The following POU2F2 variants were observed in gnomAD, a reference collection of about 807,000 sequenced individuals.
POU2F2 encodes POU class 2 homeobox 2.
POU2F2 carries 14 observed loss-of-function variants against 63.5 expected under a neutral mutation model. The ratio of observed to expected loss-of-function variants is 0.22; its 90% CI spans 0.15 to 0.34. The LOEUF is 0.34. POU2F2 is among the 10% of genes least tolerant of loss of function. The probability of loss-of-function intolerance (pLI) is 1.00; values close to 1 mark genes in which losing one functional copy is unlikely to be tolerated. For missense variants in POU2F2, 607 were observed against 815.2 expected (o/e 0.74, Z 3.11); for synonymous variants, 306 against 348.6 (o/e 0.88, Z 1.36).
rs1173741789 is a variant in POU2F2, at chr19:42,089,992, T to G, written c.*1265A>C. ...CCTCTCAGATGGGGACCACAGGCTG[T>G]GGCACTGTCCCCACCACATGGACCC... is the stretch of plus-strand genomic sequence containing the variant. On this transcript the variant is annotated 3_prime_UTR_variant, in exon 15 of 15. Transcript: ENST00000692977. 6.6e-6 allele frequency: 1 copy of G among 152,218 alleles called. No individual in the cohort carries two copies. Among genetic ancestry groups the G allele is most frequent in the Non-Finnish European group, 1.5e-5 (1 of 67,990 alleles). The allele number at this position is 152,218 out of a possible 1,614,324, so 9.4% of individuals were successfully genotyped here.
rs2034451995 is a variant in POU2F2 at position 42,156,106 on chromosome 19, C to A, written c.-9+4226G>T. ...TGCTTCGAAGAGCCCTGAGGAACGT[C>A]TCTCTATTTGAAGTCAGAGCCGAGT... On this transcript the variant is annotated intron_variant, in intron 2 of 6. Transcript: ENST00000524801. This position sits in a 1 kb window ranked among gnomAD's most constrained non-coding sequence, Gnocchi z 4.1. The A allele has an allele frequency of 1.3e-5, 2 of 152,194 alleles. No individual in the cohort carries two copies. Among genetic ancestry groups the A allele is most frequent in the South Asian group, 4.1e-4 (2 of 4,828 alleles). 9.4% of individuals were successfully genotyped at this position (152,194 alleles called of 1,614,324 possible). A position where few individuals can be genotyped will look rare whatever the true frequency, so the allele number is the denominator to read the frequency against.
chr19:42,121,601 C>T (rs2032617360), intron 4 of POU2F2, among the ~76,000 whole-genome samples: 1 of 152,176 alleles, frequency 6.6e-6, no homozygotes, highest in African/African-American at 2.4e-5. Flanking sequence ...CTGCCTGCTA[C>T]CCCTGGACCA....
chr19:42,140,311 G>A (rs926921105), intron 2 of POU2F2, among the ~76,000 whole-genome samples: 3 of 152,166 alleles, frequency 2.0e-5, no homozygotes, highest in South Asian at 2.1e-4. Context: ...CTCAGAGGCC[G>A]CCGCTGTCAT....
chr19:42,104,443 A>G (rs1726144929), intron 5 of POU2F2, among the ~76,000 whole-genome samples: 1 of 151,866 alleles, frequency 6.6e-6, no homozygotes, highest in South Asian at 2.1e-4. Flanking sequence ...ATTCTGGCAA[A>G]AGAGTAGAAG....
intron 1 of POU2F2, among the ~76,000 whole-genome samples, chr19:42,173,305 T>C (rs1261727412): frequency 6.6e-6 from 1 of 152,094 alleles, no homozygotes; most frequent in Non-Finnish European, 1.5e-5. Context: ...TCCCTTGCCA[T>C]CATCGATGTC....
chr19:42,175,048 C>A (rs566224765), intron 1 of POU2F2, among the ~76,000 whole-genome samples: 33 of 152,238 alleles, frequency 2.2e-4, no homozygotes, highest in Non-Finnish European at 3.5e-4. Flanking sequence ...AATTTCCTCC[C>A]GTTTTCACTT....
intron 1 of POU2F2, among the ~76,000 whole-genome samples, chr19:42,127,626 C>A (rs928393461): frequency 1.3e-5 from 2 of 152,006 alleles, no homozygotes; most frequent in Admixed American, 6.6e-5. Context: ...CATGATCTGC[C>A]CACCTCAGCC....
chr19:42,091,685 C>A, intron 14 of POU2F2, 94 bp from the exon 15 acceptor site: 1 of 1,551,338 alleles, frequency 6.4e-7, no homozygotes, highest in South Asian at 1.2e-5. Flanking sequence ...CCCCATCTCC[C>A]CATCGGTCCC....
At chr19:42,135,308 A>C (rs2033982047), upstream of POU2F2, among the ~76,000 whole-genome samples, 1 of 152,024 alleles carries the variant, frequency 6.6e-6, no homozygotes, top group Non-Finnish European at 1.5e-5. Context: ...CCAAGACTCA[A>C]TGATACCCAC....
At chr19:42,114,623 A>G (rs2031611500) in intron 5 of POU2F2, among the ~76,000 whole-genome samples, 1 of 152,206 alleles carries the variant, frequency 6.6e-6, no homozygotes, top group African/African-American at 2.4e-5. Context: ...CGTGAAGGAC[A>G]GCTAAAAGCA....
chr19:42,135,730 CAG>C (rs1312902471), upstream of POU2F2, among the ~76,000 whole-genome samples: 2 of 145,090 alleles, frequency 1.4e-5, no homozygotes, highest in African/African-American at 2.6e-5. Flanking sequence ...TCCTTTGAGA[CAG>C]AGTCTCACTC....
intron 2 of POU2F2, among the ~76,000 whole-genome samples, chr19:42,146,103 C>T (rs939580655): frequency 5.9e-5 from 9 of 151,554 alleles, no homozygotes; most frequent in Admixed American, 2.0e-4. Flanking sequence ...CCTCCACCTA[C>T]TATTAATATT....
intron 1 of POU2F2, among the ~76,000 whole-genome samples, chr19:42,165,226 T>G (rs1293936430): frequency 1.3e-5 from 2 of 152,206 alleles, no homozygotes; most frequent in Non-Finnish European, 2.9e-5. Context: ...CAGAGTTCAG[T>G]GCCCTCAAGA....
At chr19:42,097,192 GT>G (rs778449653) in intron 7 of POU2F2, among the ~76,000 whole-genome samples, 13,157 of 117,722 alleles carry the variant, frequency 0.11, 342 homozygotes, top group Middle Eastern at 0.18. Flanking sequence ...GAATTTTTCA[GT>G]TTTTTTTTTT....
intron 4 of POU2F2, among the ~76,000 whole-genome samples, chr19:42,119,773 A>AG (rs2032371015): frequency 6.6e-6 from 1 of 152,368 alleles, no homozygotes; most frequent in South Asian, 2.1e-4. Context: ...CAAAAAAAAA[A>AG]AGTTTTAAAA....
At chr19:42,120,690 ACATTTATTTAAAAAG>A (rs2032508057) in intron 4 of POU2F2, among the ~76,000 whole-genome samples, 1 of 152,186 alleles carries the variant, frequency 6.6e-6, no homozygotes, top group Non-Finnish European at 1.5e-5. Context: ...CATTTAAAAA[ACATTTATTTAAAAAG>A]CTGTCGAAAA....
intron 4 of POU2F2, among the ~76,000 whole-genome samples, chr19:42,119,326 A>G (rs553828327): frequency 2.0e-5 from 3 of 152,230 alleles, no homozygotes; most frequent in South Asian, 4.1e-4. Context: ...TCACAGAGTC[A>G]TACATTGAAG....
At chr19:42,179,407 G>C (rs1169593730), upstream of POU2F2, among the ~76,000 whole-genome samples, 4 of 152,114 alleles carry the variant, frequency 2.6e-5, no homozygotes, top group Non-Finnish European at 4.4e-5. Context: ...CAGGGTCTTG[G>C]GAGGGTGCAT....
rs146890196 is a variant in POU2F2, at chr19:42,091,302, G to A, written c.1830C>T (p.Thr610=). The change falls in exon 15 of 15, where the codon ACC becomes ACT. Residue 610 remains threonine, a synonymous_variant. Coordinates refer to ENST00000692977, the MANE Select transcript of POU2F2 (RefSeq NM_001394376.1). The stretch of plus-strand genomic sequence containing the variant: ...CCTCGGGCCCCCCTGGACCTCCAGG[G>A]GTCTGTGCTGCCGTCTCGCTGCAAG... ...SSTCSETAAQ[T]PGGPGGPEAG... is the part of the protein sequence containing the mutation. 0.012 allele frequency: 17,942 copies of A among 1,534,066 alleles called. 121 individuals are homozygous for A. Among genetic ancestry groups the A allele is most frequent in the Middle Eastern group, 0.014 (64 of 4,648 alleles).
Sources: allele counts gnomAD v4.1 joint callset (sites outside exome capture counted in the v4.1 genomes callset), GRCh38; gene constraint gnomAD v4.1.1; non-coding constraint Gnocchi (gnomAD v3.1); transcripts MANE v1.5; gene names NCBI Gene and HGNC (gene_info 2026-07-23, HGNC 2026-07-21).